Variants in PRSS23 observed in about 807,000 individuals in gnomAD.
The protein encoded by PRSS23 is protease, serine 23.
In PRSS23, 25 loss-of-function variants were observed where a neutral mutation model predicts 34.7. The observed-to-expected ratio is 0.72, with a 90% CI of 0.53 to 1.01. The LOEUF (loss-of-function observed/expected upper bound fraction) is 1.01. Among genes scored for constraint, PRSS23 ranks in the 50% least tolerant of loss-of-function variants. The pLI is 0.00. For synonymous variants in PRSS23, 176 were observed against 186.6 expected, an observed-to-expected ratio of 0.94 and a Z score of 0.46; for missense variants, 445 against 475.6, an observed-to-expected ratio of 0.94 and a Z score of 0.60.
At chr11:86,916,961 TC>T (rs1949017049) in intron 2 of PRSS23, among the ~76,000 whole-genome samples, 2 of 152,224 alleles carry the variant, frequency 1.3e-5, no homozygotes, top group Admixed American at 1.3e-4. Flanking sequence ...TCAGTTCATG[TC>T]CATTGAATAA....
intron 2 of PRSS23, among the ~76,000 whole-genome samples, chr11:86,902,190 C>T (rs994163268): frequency 1.3e-5 from 2 of 152,124 alleles, no homozygotes; most frequent in African/African-American, 4.8e-5. Flanking sequence ...AGATTATGTA[C>T]TTATAAACTG....
chr11:86,829,051 T>G (rs919062414), intron 2 of PRSS23, among the ~76,000 whole-genome samples: 1 of 152,182 alleles, frequency 6.6e-6, no homozygotes, highest in African/African-American at 2.4e-5. Flanking sequence ...TGCCTTGCTA[T>G]ATTGGGAAGT....
At chr11:86,871,639 A>C (rs2134947748) in intron 2 of PRSS23, among the ~76,000 whole-genome samples, 1 of 152,334 alleles carries the variant, frequency 6.6e-6, no homozygotes, top group Non-Finnish European at 1.5e-5. Flanking sequence ...GTTAAGCCTC[A>C]CAATCGTGTG....
rs1215242135 is a variant in PRSS23 at position 86,807,844 on chromosome 11, CCA to C, written c.202_203del (p.Gln68ValfsTer3). On this transcript the variant is annotated frameshift_variant, in exon 2 of 2. Transcript: ENST00000280258. LOFTEE classifies it high-confidence loss of function. ...TAGAAGTATCTTCTTCATGTGGACC[CCA>C]GTGTCATAAGGGAACTCCACTGCCC... Reference protein sequence around the residue: ...KLEVSSSCGPQCHKGTPLPTY... With the variant: ...KLEVSSSCGPXCHKGTPLPTY... The C allele has an allele frequency of 3.1e-6, 5 of 1,613,926 alleles. No individual in the cohort carries two copies. Among genetic ancestry groups the C allele is most frequent in the Non-Finnish European group, 1.7e-6 (2 of 1,180,026 alleles).
intron 2 of PRSS23, among the ~76,000 whole-genome samples, chr11:86,875,604 T>C (rs1948717984): frequency 6.6e-6 from 1 of 152,198 alleles, no homozygotes; most frequent in South Asian, 2.1e-4. Flanking sequence ...ACAAGACCAC[T>C]AACTTTTTCT....
At chr11:86,869,922 A>G (rs1301807782) in intron 2 of PRSS23, among the ~76,000 whole-genome samples, 3 of 152,218 alleles carry the variant, frequency 2.0e-5, no homozygotes, top group Non-Finnish European at 4.4e-5. Context: ...TACTGAATTA[A>G]TAAGTGAGTG....
At chr11:86,905,336 A>T (rs1258174599) in intron 2 of PRSS23, among the ~76,000 whole-genome samples, 1 of 152,208 alleles carries the variant, frequency 6.6e-6, no homozygotes, top group African/African-American at 2.4e-5. Flanking sequence ...TTTAAGCATG[A>T]TAAAGCATGT....
At chr11:86,797,173 A>G (rs1016141237), upstream of PRSS23, among the ~76,000 whole-genome samples, 1 of 152,254 alleles carries the variant, frequency 6.6e-6, no homozygotes, top group East Asian at 1.9e-4. Flanking sequence ...AATTACAATT[A>G]TAGAGTTGAA....
rs1948158316 is a variant in PRSS23, at chr11:86,809,921, C to G, written c.*1126C>G. Reference sequence around the variant, plus strand: ...TTCTTCAATTTGGAAACTTTTCTCTCTCATTTATAGTGAAAATACTTGGAA... The same window carrying G: ...TTCTTCAATTTGGAAACTTTTCTCTGTCATTTATAGTGAAAATACTTGGAA... On this transcript the variant is annotated 3_prime_UTR_variant, in exon 2 of 2. Transcript: ENST00000280258. The G allele has an allele frequency of 6.0e-6, 1 of 167,004 alleles. No individual in the cohort carries two copies. The highest frequency in any genetic ancestry group is 2.1e-4 in the South Asian group (1 of 4,828). 10.3% of individuals were successfully genotyped at this position (167,004 alleles called of 1,614,324 possible).
chr11:86,826,108 A>G (rs997909252), intron 2 of PRSS23, among the ~76,000 whole-genome samples: 4 of 152,058 alleles, frequency 2.6e-5, no homozygotes, highest in African/African-American at 4.8e-5. Flanking sequence ...CTTCCTACCC[A>G]TGAGCATGGA....
At chr11:86,797,370 A>C (rs1161983095), upstream of PRSS23, among the ~76,000 whole-genome samples, 2 of 152,224 alleles carry the variant, frequency 1.3e-5, no homozygotes. Flanking sequence ...CCTTATGGCA[A>C]TCGTGATGAC....
Position 86,875,586 on chromosome 11 carries a change from G to A in PRSS23, c.206+51993G>A, listed in dbSNP as rs557678946. 1.1e-4 allele frequency among the ~76,000 whole-genome samples: 17 copies of A among 152,250 alleles called. 1 individual carries two copies. The South Asian group carries it at 3.5e-3, about 32-fold the overall frequency. ...TAACATCTACTCAGAGCATCCTTGGGGGTACCAACAAGACCACTAACTTTT... is the reference window on the plus strand; with the variant it reads ...TAACATCTACTCAGAGCATCCTTGGAGGTACCAACAAGACCACTAACTTTT... On this transcript the variant is annotated intron_variant, in intron 2 of 2. Coordinates refer to the PRSS23 transcript ENST00000533902.
At chr11:86,908,724 G>C (rs1948959189) in intron 2 of PRSS23, among the ~76,000 whole-genome samples, 1 of 152,076 alleles carries the variant, frequency 6.6e-6, no homozygotes, top group Non-Finnish European at 1.5e-5. Context: ...AAAAATATCA[G>C]ACGTGAAAGT....
At chr11:86,939,708 G>A (rs1174639664) in intron 2 of PRSS23, among the ~76,000 whole-genome samples, 1 of 147,954 alleles carries the variant, frequency 6.8e-6, no homozygotes, top group Non-Finnish European at 1.5e-5. Flanking sequence ...AAATGTTCAG[G>A]AAGTTAGCTA....
intron 2 of PRSS23, chr11:86,833,376 A>G: frequency 4.2e-6 from 3 of 714,390 alleles, no homozygotes; most frequent in South Asian, 4.2e-5. Context: ...GGAACAGCCC[A>G]GCGAGGGCCA....
chr11:86,884,688 A>G (rs1175274317), intron 2 of PRSS23, among the ~76,000 whole-genome samples: 1 of 152,174 alleles, frequency 6.6e-6, no homozygotes, highest in African/African-American at 2.4e-5. Context: ...ATAACACATA[A>G]GCCTTCAAGA....
At chr11:86,806,125 T>C (rs552530574) in intron 1 of PRSS23, among the ~76,000 whole-genome samples, 2 of 152,340 alleles carry the variant, frequency 1.3e-5, no homozygotes, top group South Asian at 4.1e-4. Context: ...CCTTGCAGTA[T>C]AAAATCCAAA....
intron 2 of PRSS23, chr11:86,945,548 A>G (rs1472339879): frequency 6.6e-6 from 1 of 152,170 alleles, no homozygotes; most frequent in African/African-American, 2.4e-5. Flanking sequence ...CCCAGCAAAA[A>G]AGAAAGAGGC....
At chr11:86,839,306 C>G (rs1012140119) in intron 2 of PRSS23, among the ~76,000 whole-genome samples, 22 of 152,200 alleles carry the variant, frequency 1.4e-4, no homozygotes, top group African/African-American at 4.8e-4. Context: ...CTTAAATTAC[C>G]TGATGGAGCT....
Sources: allele counts gnomAD v4.1 joint callset (sites outside exome capture counted in the v4.1 genomes callset), GRCh38; gene constraint gnomAD v4.1.1; transcripts MANE v1.5; gene names NCBI Gene and HGNC (gene_info 2026-07-23, HGNC 2026-07-21).